The following FBXW10 variants were observed in gnomAD, a reference collection of about 807,000 sequenced individuals.
The protein encoded by FBXW10 is F-box/WD repeat-containing protein 10.
In FBXW10, 68 loss-of-function variants were observed where a neutral mutation model predicts 113.1. The observed-to-expected ratio is 0.60, with a 90% confidence interval of 0.49 to 0.74. The LOEUF (loss-of-function observed/expected upper bound fraction) is 0.74. Ranked by LOEUF, FBXW10 falls within the 30% of genes least tolerant of loss-of-function variation. FBXW10 has a pLI of 0.00. For missense variants in FBXW10, 753 were observed against 1,284.5 expected (o/e 0.59, Z 6.32); for synonymous variants, 289 against 481.6 (o/e 0.60, Z 5.24).
chr17:18,770,464 G>A (rs567595049), intron 11 of FBXW10, among the ~76,000 whole-genome samples: 22 of 152,072 alleles, frequency 1.4e-4, no homozygotes, highest in African/African-American at 4.1e-4. Context: ...CAGTATGCCC[G>A]GCTAATTTTT....
At position 18,750,034 on chromosome 17, in the gene FBXW10, A is replaced by G. The variant is rs1252759365; in HGVS notation, c.896A>G (p.Asn299Ser). The G allele has an allele frequency of 6.2e-7, 1 of 1,613,788 alleles. No individual in the cohort carries two copies. The highest frequency in any genetic ancestry group is 1.3e-5 in the African/African-American group (1 of 74,852). The change falls in exon 4 of 14, where the codon AAC becomes AGC. Residue 299 changes from asparagine (N) to serine (S), a missense_variant. Asn to Ser is a conservative substitution (Grantham distance 46, BLOSUM62 1). Transcript: ENST00000395665. ...GGAATGCTGGATAGACACACCCTGA[A>G]CAAGTGCGCCTCTGTGAGCCAGCAC... is the stretch of plus-strand genomic sequence containing the variant. ...ILRMLDRHTLNKCASVSQHWA... is the reference protein window; with the variant it reads ...ILRMLDRHTLSKCASVSQHWA...
intron 12 of FBXW10, among the ~76,000 whole-genome samples, chr17:18,774,529 C>T (rs1293527456): frequency 1.3e-5 from 2 of 152,232 alleles, no homozygotes; most frequent in Admixed American, 1.3e-4. Flanking sequence ...CGCAGTGACT[C>T]ATGCCTGTAA....
intron 5 of FBXW10, among the ~76,000 whole-genome samples, chr17:18,751,449 C>G (rs1211409152): frequency 6.6e-6 from 1 of 152,040 alleles, no homozygotes; most frequent in Non-Finnish European, 1.5e-5. Context: ...CCCAGATGGT[C>G]TTGATCTCCT....
At chr17:18,764,660 C>T in intron 7 of FBXW10, 82 bp from the exon 8 acceptor site, 1 of 1,593,022 alleles carries the variant, frequency 6.3e-7, no homozygotes, top group Non-Finnish European at 8.6e-7. Context: ...TCCCAACTAA[C>T]TACTTATCTA....
At chr17:18,765,740 T>G (rs1406806967) in intron 8 of FBXW10, among the ~76,000 whole-genome samples, 2 of 152,204 alleles carry the variant, frequency 1.3e-5, no homozygotes, top group East Asian at 3.8e-4. Context: ...TCTTCCTTTT[T>G]TTTTTGAGAT....
chr17:18,750,602 C>T (rs1446923572), intron 4 of FBXW10, among the ~76,000 whole-genome samples: 1 of 144,664 alleles, frequency 6.9e-6, no homozygotes, highest in Non-Finnish European at 1.5e-5. Context: ...AGAAGTCTCA[C>T]CCTAAACCAT....
At chr17:18,752,179 C>T (rs894030573) in intron 5 of FBXW10, among the ~76,000 whole-genome samples, 4 of 152,040 alleles carry the variant, frequency 2.6e-5, no homozygotes, top group African/African-American at 4.8e-5. Context: ...GGAGACGGGT[C>T]GTGTGGGCAG....
intron 9 of FBXW10, among the ~76,000 whole-genome samples, chr17:18,768,243 T>G (rs1421634174): frequency 2.0e-5 from 3 of 151,970 alleles, no homozygotes; most frequent in East Asian, 3.9e-4. Flanking sequence ...AATTTTTGTA[T>G]TTTTAGTAGA....
At chr17:18,773,984 C>A (rs9906823) in intron 12 of FBXW10, among the ~76,000 whole-genome samples, 13,264 of 152,178 alleles carry the variant, frequency 0.087, 584 homozygotes, top group African/African-American at 0.097. Flanking sequence ...GTTTTCCATA[C>A]AAAGGCTAAC....
At chr17:18,764,373 T>G (rs1372517662) in intron 7 of FBXW10, among the ~76,000 whole-genome samples, 1 of 152,034 alleles carries the variant, frequency 6.6e-6, no homozygotes, top group Non-Finnish European at 1.5e-5. Flanking sequence ...AGCTAACTTT[T>G]GTATTTTTAG....
intron 9 of FBXW10, 151 bp from the exon 10 acceptor site, chr17:18,768,383 A>G (rs1216388250): frequency 1.7e-5 from 19 of 1,108,912 alleles, no homozygotes; most frequent in Non-Finnish European, 2.2e-5. Context: ...GCCTTCTTAG[A>G]GCAAAAGCAG....
At chr17:18,756,802 T>C (rs944383741) in intron 6 of FBXW10, among the ~76,000 whole-genome samples, 3 of 152,232 alleles carry the variant, frequency 2.0e-5, no homozygotes, top group Admixed American at 6.5e-5. Context: ...GACTTCACTT[T>C]ATATTCACAA....
intron 11 of FBXW10, among the ~76,000 whole-genome samples, chr17:18,770,914 G>T (rs1457953902): frequency 1.3e-5 from 2 of 151,994 alleles, no homozygotes; most frequent in African/African-American, 2.4e-5. Flanking sequence ...TAGACTCAGG[G>T]TGCTATTATA....
At chr17:18,763,852 AG>A (rs2035434369) in intron 7 of FBXW10, among the ~76,000 whole-genome samples, 1 of 150,070 alleles carries the variant, frequency 6.7e-6, no homozygotes, top group Non-Finnish European at 1.5e-5. Context: ...GTGGTCATTC[AG>A]GACGCTTCTA....
At chr17:18,759,652 A>G (rs4520890) in intron 7 of FBXW10, among the ~76,000 whole-genome samples, 111,437 of 146,092 alleles carry the variant, frequency 0.76, 40,330 homozygotes, top group Non-Finnish European at 0.79. Flanking sequence ...TCACTGTGTC[A>G]CCCAGGCTGG....
At chr17:18,749,450 G>C (rs2035111212) in intron 2 of FBXW10, among the ~76,000 whole-genome samples, 1 of 152,138 alleles carries the variant, frequency 6.6e-6, no homozygotes, top group Non-Finnish European at 1.5e-5. Flanking sequence ...AGGAGGCTGA[G>C]GCAGGAGAAT....
intron 11 of FBXW10, among the ~76,000 whole-genome samples, chr17:18,770,597 C>T (rs772178881): frequency 8.0e-4 from 122 of 152,044 alleles, no homozygotes; most frequent in Non-Finnish European, 1.3e-3. Flanking sequence ...CCACCACGCC[C>T]GGCCTGTTTT....
rs139724959 is a variant in FBXW10, at chr17:18,778,882, C to T, written c.2743C>T (p.Arg915Cys). Residue 915 changes from arginine to cysteine, a missense_variant, in exon 14 of 14, where the codon CGC becomes TGC. Arg to Cys is a radical substitution (Grantham distance 180, BLOSUM62 -3). Transcript: ENST00000395665. ...CACCATACCCCAGCCCATGATTATC[C>T]GCTCCAGGTTCTCTGGCAGCTTAAA... is the stretch of plus-strand genomic sequence containing the variant. ...QSTIPQPMII[R>C]SRFSGSLKGG... is the part of the protein sequence containing the mutation. 1.7e-5 allele frequency: 27 copies of T among 1,613,760 alleles called. No individual in the cohort carries two copies. Among genetic ancestry groups the T allele is most frequent in the Non-Finnish European group, 1.9e-5 (23 of 1,179,874 alleles).
At chr17:18,768,471 C>T (rs544144960) in intron 9 of FBXW10, 63 bp from the exon 10 acceptor site, 7 of 1,594,922 alleles carry the variant, frequency 4.4e-6, no homozygotes, top group Non-Finnish European at 6.0e-6. Context: ...CTGAAGAAGC[C>T]TCAGCTTTGG....
Sources: allele counts gnomAD v4.1 joint callset (sites outside exome capture counted in the v4.1 genomes callset), GRCh38; gene constraint gnomAD v4.1.1; transcripts MANE v1.5; gene names NCBI Gene and HGNC (gene_info 2026-07-23, HGNC 2026-07-21).